Variants in FGD4 observed in about 807,000 individuals in gnomAD.
FGD4 encodes FYVE, RhoGEF and PH domain containing 4.
FGD4 carries 42 observed loss-of-function variants against 102.0 expected under a neutral mutation model. The ratio of observed to expected loss-of-function variants is 0.41; its 90% CI spans 0.32 to 0.53. FGD4 has a LOEUF of 0.53. Among genes scored for constraint, FGD4 ranks in the 20% least tolerant of loss-of-function variants. FGD4 has a pLI of 0.21. For missense variants in FGD4, 902 were observed against 1,078.2 expected, an observed-to-expected ratio of 0.84 and a Z score of 2.29; for synonymous variants, 380 against 375.7, an observed-to-expected ratio of 1.01 and a Z score of -0.13.
chr12:32,402,813 A>C (rs1265435121), intron 1 of FGD4, among the ~76,000 whole-genome samples: 1 of 152,122 alleles, frequency 6.6e-6, no homozygotes, highest in African/African-American at 2.4e-5. Flanking sequence ...TATCTGTAGG[A>C]GAATGATCTA....
chr12:32,546,702 T>C (rs1175632801), intron 1 of FGD4, among the ~76,000 whole-genome samples: 2 of 152,232 alleles, frequency 1.3e-5, no homozygotes, highest in African/African-American at 2.4e-5. Flanking sequence ...TATGAGAGTG[T>C]GCCCACTGGT....
intron 1 of FGD4, among the ~76,000 whole-genome samples, chr12:32,474,434 T>G (rs1041942707): frequency 6.6e-6 from 1 of 152,226 alleles, no homozygotes; most frequent in African/African-American, 2.4e-5. Flanking sequence ...AAAGTACTCC[T>G]ACCTACAACA....
intron 4 of FGD4, among the ~76,000 whole-genome samples, chr12:32,584,111 CAT>C (rs921334112): frequency 1.1e-4 from 16 of 152,306 alleles, no homozygotes; most frequent in African/African-American, 3.8e-4. Context: ...ACTAGTGAAA[CAT>C]AGAATAGTAC....
At chr12:32,469,881 A>G (rs1034176505) in intron 1 of FGD4, among the ~76,000 whole-genome samples, 1 of 150,248 alleles carries the variant, frequency 6.7e-6, no homozygotes, top group Non-Finnish European at 1.5e-5. Flanking sequence ...CTGGTCTTGA[A>G]CTCCCAACTT....
intron 4 of FGD4, among the ~76,000 whole-genome samples, chr12:32,587,513 C>T (rs1189354499): frequency 6.6e-6 from 1 of 152,036 alleles, no homozygotes; most frequent in East Asian, 1.9e-4. Context: ...GCCTCAGCCT[C>T]CTGAGTACCT....
At chr12:32,501,136 T>A (rs577992488) in intron 1 of FGD4, among the ~76,000 whole-genome samples, 1 of 152,210 alleles carries the variant, frequency 6.6e-6, no homozygotes, top group Non-Finnish European at 1.5e-5. Flanking sequence ...ACTACAGCCT[T>A]GGCCTCCTGG....
intron 1 of FGD4, among the ~76,000 whole-genome samples, chr12:32,561,915 C>T (rs1321082299): frequency 6.6e-6 from 1 of 152,162 alleles, no homozygotes; most frequent in Non-Finnish European, 1.5e-5. Context: ...ATCTTGCCAT[C>T]CTTTCTTTGG....
At chr12:32,526,327 T>C (rs979638953) in intron 1 of FGD4, among the ~76,000 whole-genome samples, 2 of 152,170 alleles carry the variant, frequency 1.3e-5, no homozygotes, top group Admixed American at 6.5e-5. Flanking sequence ...GCACTCTGTA[T>C]CTAGCTCAAG....
At chr12:32,635,170 A>C (rs545689268) in intron 15 of FGD4, among the ~76,000 whole-genome samples, 45 of 152,278 alleles carry the variant, frequency 3.0e-4, no homozygotes, top group African/African-American at 8.7e-4. Context: ...TCATTCTTCC[A>C]GGGTATAGAT....
chr12:32,461,015 T>G (rs1943091697), intron 1 of FGD4, among the ~76,000 whole-genome samples: 1 of 152,254 alleles, frequency 6.6e-6, no homozygotes, highest in South Asian at 2.1e-4. Flanking sequence ...GTTGAATTTT[T>G]TATAAGGATG....
At chr12:32,537,531 A>C (rs765874292) in intron 1 of FGD4, among the ~76,000 whole-genome samples, 27 of 152,244 alleles carry the variant, frequency 1.8e-4, no homozygotes, top group Admixed American at 7.8e-4. Context: ...TTTCAAAGGA[A>C]ATCCCCTGTT....
At chr12:32,469,152 T>A (rs1943347975) in intron 1 of FGD4, among the ~76,000 whole-genome samples, 1 of 152,182 alleles carries the variant, frequency 6.6e-6, no homozygotes, top group Non-Finnish European at 1.5e-5. Flanking sequence ...ATCGGATTTT[T>A]AAAATACATA....
At chr12:32,600,840 T>G (rs1228025289) in intron 5 of FGD4, among the ~76,000 whole-genome samples, 1 of 152,114 alleles carries the variant, frequency 6.6e-6, no homozygotes, top group Admixed American at 6.5e-5. Flanking sequence ...ATGAGACTTA[T>G]GTCAGCAAAC....
At chr12:32,409,337 G>A (rs113700251) in intron 1 of FGD4, among the ~76,000 whole-genome samples, 25,923 of 140,274 alleles carry the variant, frequency 0.18, 2,931 homozygotes, top group East Asian at 0.3. Flanking sequence ...CCCCCAAGCT[G>A]GAGTGCAATG....
At chr12:32,558,954 C>T (rs1309674188) in intron 1 of FGD4, among the ~76,000 whole-genome samples, 3 of 152,324 alleles carry the variant, frequency 2.0e-5, no homozygotes, top group Non-Finnish European at 2.9e-5. Context: ...GTATTTAAAT[C>T]GGATACCTCT....
At position 32,643,955 on chromosome 12, in the gene FGD4, A is replaced by C. The variant is rs558226398; in HGVS notation, c.*3422A>C. 125 of 152,238 alleles carry C rather than the reference A, an allele frequency of 8.2e-4. No homozygotes were observed. Among genetic ancestry groups the C allele is most frequent in the African/African-American group, 3.0e-3 (123 of 41,576 alleles). The allele number at this position is 152,238 out of a possible 1,614,324, so 9.4% of individuals were successfully genotyped here. On this transcript the variant is annotated 3_prime_UTR_variant, in exon 17 of 17. Coordinates refer to ENST00000534526, the MANE Select transcript of FGD4 (RefSeq NM_001370298.3). ...ATCTTTCTGGACTAGATACAACCTGAGTAGCAAGCACCAACCGGAGCAAGT... is the reference window on the plus strand; with the variant it reads ...ATCTTTCTGGACTAGATACAACCTGCGTAGCAAGCACCAACCGGAGCAAGT...
chr12:32,505,873 T>C (rs1450414485), intron 1 of FGD4, among the ~76,000 whole-genome samples: 1 of 152,190 alleles, frequency 6.6e-6, no homozygotes, highest in Admixed American at 6.5e-5. Flanking sequence ...TTAATGAAAT[T>C]GTGAGACGTA....
Position 32,624,459 on chromosome 12 carries a change from C to G in FGD4, c.1953+7C>G, listed in dbSNP as rs1408854259. Reference sequence around the variant, plus strand: ...CAAAGAAGAATGGATCAAGGTAAGCCTCATTTCTGTTTCCTTTTCTTTCTT... The same window carrying G: ...CAAAGAAGAATGGATCAAGGTAAGCGTCATTTCTGTTTCCTTTTCTTTCTT... On this transcript the variant is annotated splice_region_variant and intron_variant, in intron 12 of 16. Coordinates refer to ENST00000534526, the MANE Select transcript of FGD4 (RefSeq NM_001370298.3). 4 of 1,596,512 alleles carry G rather than the reference C, an allele frequency of 2.5e-6. No individual in the cohort carries two copies. Among genetic ancestry groups the G allele is most frequent in the Non-Finnish European group, 3.4e-6 (4 of 1,170,146 alleles).
intron 13 of FGD4, 107 bp downstream of exon 13, chr12:32,625,175 A>G: frequency 1.1e-6 from 1 of 924,018 alleles, no homozygotes; most frequent in Non-Finnish European, 1.7e-6. Context: ...CAATGTCAGA[A>G]CTGGCTGGTT....
Sources: allele counts gnomAD v4.1 joint callset (sites outside exome capture counted in the v4.1 genomes callset), GRCh38; gene constraint gnomAD v4.1.1; transcripts MANE v1.5; gene names NCBI Gene and HGNC (gene_info 2026-07-23, HGNC 2026-07-21).